ADD2: variants seen among roughly 807,000 people sequenced by gnomAD.
The protein encoded by ADD2 is beta-adducin.
A neutral mutation model predicts 83.0 loss-of-function variants in ADD2; 23 were observed. The observed-to-expected ratio is 0.28, with a 90% CI of 0.20 to 0.39. The LOEUF (loss-of-function observed/expected upper bound fraction) is 0.39. Among genes scored for constraint, ADD2 ranks in the 10% least tolerant of loss-of-function variants. The pLI is 1.00. For missense variants in ADD2, 758 were observed against 944.9 expected, an observed-to-expected ratio of 0.80 and a Z score of 2.59; for synonymous variants, 375 against 375.4, an observed-to-expected ratio of 1.00 and a Z score of 0.01.
In ADD2 at chr2:70,712,457, A is replaced by G. The variant is rs1300669880; in HGVS notation, c.-35+609T>C. ...AGACCCTGTCTCAAAAAAAATAAAT[A>G]AATAAAAAAAAAAAAAAAGAAACTG... is the stretch of plus-strand genomic sequence containing the variant. On this transcript the variant is annotated intron_variant, in intron 2 of 15. Transcript: ENST00000264436. 3.2e-4 allele frequency among the ~76,000 whole-genome samples: 27 copies of G among 83,754 alleles called. 1 individual carries two copies. The highest frequency in any genetic ancestry group is 5.6e-3 in the Middle Eastern group (1 of 178). The allele number at this position is 83,754 out of a possible 152,430, so 54.9% of individuals were successfully genotyped here. A position where few individuals can be genotyped will look rare whatever the true frequency, so the allele number is the denominator to read the frequency against.
At chr2:70,766,140 T>C (rs1553385983) in intron 1 of ADD2, among the ~76,000 whole-genome samples, 1 of 152,266 alleles carries the variant, frequency 6.6e-6, no homozygotes, top group South Asian at 2.1e-4. Flanking sequence ...AGCATATTTC[T>C]AATAAGGCTA....
chr2:70,673,587 G>T (rs559842071), intron 14 of ADD2, among the ~76,000 whole-genome samples: 1 of 152,292 alleles, frequency 6.6e-6, no homozygotes, highest in East Asian at 1.9e-4. Context: ...AGCCAGCAAG[G>T]GTTTTTTGGT....
chr2:70,750,209 G>C (rs539633868), intron 1 of ADD2, among the ~76,000 whole-genome samples: 2 of 152,290 alleles, frequency 1.3e-5, no homozygotes, highest in East Asian at 3.9e-4. Flanking sequence ...AAGTGTGCAC[G>C]TGCTCATGCT....
rs74964995 is a variant in ADD2, at chr2:70,720,362, G to A, written c.-153-7178C>T. 1.9e-4 allele frequency among the ~76,000 whole-genome samples: 28 copies of A among 149,572 alleles called. No homozygotes were observed. In the East Asian group the frequency reaches 5.5e-3, roughly 29 times the overall value. ...CTAAAGGCTCACATGGGGAACTGCT[G>A]GCCTCCGGAATCTCCATGTGGAGAC... is the stretch of plus-strand genomic sequence containing the variant. On this transcript the variant is annotated intron_variant, in intron 1 of 15. Coordinates refer to ENST00000264436, the MANE Select transcript of ADD2 (RefSeq NM_001617.4).
Position 70,676,613 on chromosome 2 carries a change from C to A in ADD2, c.1593+183G>T. 6.9e-7 allele frequency: 1 copy of A among 1,444,944 alleles called. No homozygotes were observed. The highest frequency in any genetic ancestry group is 9.1e-7 in the Non-Finnish European group (1 of 1,093,178). 89.5% of individuals were successfully genotyped at this position (1,444,944 alleles called of 1,614,324 possible). A position where few individuals can be genotyped will look rare whatever the true frequency, so the allele number is the denominator to read the frequency against. On this transcript the variant is annotated intron_variant, in intron 13 of 15. Coordinates refer to ENST00000264436, the MANE Select transcript of ADD2 (RefSeq NM_001617.4). The surrounding 1 kb of genome is among the most constrained non-coding windows in gnomAD (Gnocchi z 4.8). The stretch of plus-strand genomic sequence containing the variant: ...GCCCACAGGGGCCATCAGACATTGT[C>A]CTCCCTGGTCCTCACAGCACCCCTG...
chr2:70,736,763 C>G (rs894711505), intron 1 of ADD2, among the ~76,000 whole-genome samples: 5 of 151,010 alleles, frequency 3.3e-5, no homozygotes, highest in African/African-American at 7.4e-5. Context: ...CTATTTCTCC[C>G]CACTGTGTTG....
intron 1 of ADD2, among the ~76,000 whole-genome samples, chr2:70,765,687 T>G (rs1553385888): frequency 6.6e-6 from 1 of 152,266 alleles, no homozygotes; most frequent in African/African-American, 2.4e-5. Context: ...GGTTCGTCAA[T>G]TTCTTTTTTG....
chr2:70,696,464 C>G, intron 4 of ADD2, 68 bp from the exon 5 acceptor site: 3 of 1,587,798 alleles, frequency 1.9e-6, no homozygotes, highest in Non-Finnish European at 1.7e-6. Context: ...CTCCAGTGTT[C>G]TCCAAATTCT....
intron 1 of ADD2, 21 bp downstream of exon 1, chr2:70,767,865 G>A: frequency 5.2e-6 from 8 of 1,535,668 alleles, no homozygotes; most frequent in Non-Finnish European, 7.0e-6. Context: ...AGCCCACCAG[G>A]CCCGCTCCCC....
intron 1 of ADD2, among the ~76,000 whole-genome samples, chr2:70,750,069 G>A (rs1397176687): frequency 6.6e-6 from 1 of 151,696 alleles, no homozygotes; most frequent in Non-Finnish European, 1.5e-5. Flanking sequence ...TATCGTAGGT[G>A]CCTGATGATG....
intron 1 of ADD2, among the ~76,000 whole-genome samples, chr2:70,727,014 A>G (rs1673038686): frequency 6.6e-6 from 1 of 152,198 alleles, no homozygotes; most frequent in African/African-American, 2.4e-5. Context: ...TGTGGGCCAC[A>G]GCCAAATGGT....
intron 1 of ADD2, among the ~76,000 whole-genome samples, 197 bp from the exon 2 acceptor site, chr2:70,713,381 G>GAGATCCTC (rs1245239420): frequency 6.6e-6 from 1 of 152,256 alleles, no homozygotes; most frequent in Non-Finnish European, 1.5e-5. Context: ...GGGAGGCCAA[G>GAGATCCTC]GTGGGGGGAT....
chr2:70,702,536 T>C (rs1368509030), intron 4 of ADD2, among the ~76,000 whole-genome samples: 3 of 152,162 alleles, frequency 2.0e-5, no homozygotes, highest in Non-Finnish European at 2.9e-5. Context: ...ATTAAGGGTA[T>C]TTGTTCCATC....
intron 1 of ADD2, among the ~76,000 whole-genome samples, chr2:70,743,114 T>G (rs782034726): frequency 2.9e-4 from 44 of 152,162 alleles, no homozygotes; most frequent in Non-Finnish European, 7.3e-5. Flanking sequence ...CACAGCAAAG[T>G]CACATCTTAT....
chr2:70,742,210 T>G (rs545986551), intron 1 of ADD2, among the ~76,000 whole-genome samples: 4 of 152,372 alleles, frequency 2.6e-5, no homozygotes, highest in Non-Finnish European at 4.4e-5. Context: ...ATTTAAGAAC[T>G]ACCCAAAACA....
intron 1 of ADD2, among the ~76,000 whole-genome samples, chr2:70,736,970 A>G (rs1351138195): frequency 6.6e-6 from 1 of 152,200 alleles, no homozygotes; most frequent in East Asian, 1.9e-4. Context: ...AGACACATGA[A>G]AAAATGCTCA....
At chr2:70,750,168 C>T (rs1348341100) in intron 1 of ADD2, among the ~76,000 whole-genome samples, 27 of 152,130 alleles carry the variant, frequency 1.8e-4, no homozygotes, top group African/African-American at 5.1e-4. Flanking sequence ...GAATAATGTC[C>T]CACCAAATAT....
At chr2:70,764,184 G>A (rs1326931053) in intron 1 of ADD2, among the ~76,000 whole-genome samples, 4 of 151,620 alleles carry the variant, frequency 2.6e-5, no homozygotes, top group Non-Finnish European at 5.9e-5. Flanking sequence ...CACCGCGCCC[G>A]GCCCCATCTC....
At chr2:70,669,780 TGTATA>T (rs1553366785) in intron 15 of ADD2, among the ~76,000 whole-genome samples, 1 of 152,190 alleles carries the variant, frequency 6.6e-6, no homozygotes, top group Non-Finnish European at 1.5e-5. Context: ...TATACCACCA[TGTATA>T]AAGTCCAACA....
Sources: allele counts gnomAD v4.1 joint callset (sites outside exome capture counted in the v4.1 genomes callset), GRCh38; gene constraint gnomAD v4.1.1; non-coding constraint Gnocchi (gnomAD v3.1); transcripts MANE v1.5; gene names NCBI Gene and HGNC (gene_info 2026-07-23, HGNC 2026-07-21).